GPC6: variants seen among roughly 807,000 people sequenced by gnomAD.
GPC6 encodes the protein glypican-6.
Under a neutral mutation model 55.2 loss-of-function variants are expected in GPC6, and 14 were observed. That is an observed-to-expected ratio of 0.25 (90% CI 0.17 to 0.40). The LOEUF (loss-of-function observed/expected upper bound fraction) is 0.40, where lower values mean the gene tolerates loss of function less well. Ranked by LOEUF, GPC6 falls within the 10% of genes least tolerant of loss-of-function variation. The pLI is 1.00. For missense variants in GPC6, 641 were observed against 708.5 expected, an observed-to-expected ratio of 0.90 and a Z score of 1.08; for synonymous variants, 278 against 259.6, an observed-to-expected ratio of 1.07 and a Z score of -0.68.
Position 93,285,616 on chromosome 13 carries a change from CTGTGTGTGTG to C in GPC6, c.160+58038_160+58047del, listed in dbSNP as rs754671051. Among the ~76,000 whole-genome samples the C allele has an allele frequency of 1.1e-3, 114 of 103,588 alleles. 1 individual carries two copies. Among genetic ancestry groups the C allele is most frequent in the Admixed American group, 4.4e-3 (45 of 10,240 alleles). The allele number at this position is 103,588 out of a possible 152,430, so 68.0% of individuals were successfully genotyped here. A position where few individuals can be genotyped will look rare whatever the true frequency, so the allele number is the denominator to read the frequency against. On this transcript the variant is annotated intron_variant, in intron 1 of 8. Coordinates refer to ENST00000377047, the MANE Select transcript of GPC6 (RefSeq NM_005708.5). ...GGGATGTATGTGTATGTATATACTG[CTGTGTGTGTG>C]TGTGTGTGTGTGTGTGTGTGTGTGT...
At chr13:93,779,042 G>A (rs545165449) in intron 2 of GPC6, among the ~76,000 whole-genome samples, 1 of 152,164 alleles carries the variant, frequency 6.6e-6, no homozygotes, top group Admixed American at 6.5e-5. Context: ...TTTGCTGTAT[G>A]TTTATAACTA....
chr13:93,321,867 A>T (rs935537583), intron 1 of GPC6, among the ~76,000 whole-genome samples: 4 of 152,126 alleles, frequency 2.6e-5, no homozygotes, highest in African/African-American at 9.7e-5. Context: ...AGCATTAGCT[A>T]CCTGCTGGAT....
intron 4 of GPC6, among the ~76,000 whole-genome samples, chr13:94,249,525 C>T (rs1891289228): frequency 6.6e-6 from 1 of 152,100 alleles, no homozygotes; most frequent in African/African-American, 2.4e-5. Flanking sequence ...GTTTAAAAAG[C>T]TGTTTAGATT....
intron 1 of GPC6, among the ~76,000 whole-genome samples, chr13:93,267,531 CCCTTA>C (rs1434758468): frequency 6.6e-6 from 1 of 152,018 alleles, no homozygotes; most frequent in Non-Finnish European, 1.5e-5. Context: ...AATTCCTTTG[CCCTTA>C]CCTTTGATGT....
At chr13:94,006,842 G>C (rs1882039762) in intron 3 of GPC6, among the ~76,000 whole-genome samples, 1 of 152,150 alleles carries the variant, frequency 6.6e-6, no homozygotes, top group East Asian at 1.9e-4. Context: ...AGTTTTTCAA[G>C]AACTGCAAAG....
chr13:93,225,608 AG>A (rs1875751672), upstream of GPC6, among the ~76,000 whole-genome samples: 2 of 152,144 alleles, frequency 1.3e-5, no homozygotes, highest in Non-Finnish European at 2.9e-5. Context: ...GCGTTTGGAA[AG>A]GTTAAATGAG....
intron 6 of GPC6, among the ~76,000 whole-genome samples, chr13:94,327,902 CAG>C (rs1219652998): frequency 1.3e-5 from 2 of 152,156 alleles, no homozygotes; most frequent in African/African-American, 4.8e-5. Context: ...GGAGAGGAAA[CAG>C]GGCCACATTG....
Position 93,738,936 on chromosome 13 carries a change from TACACACACAC to T in GPC6, c.320-91191_320-91182del, listed in dbSNP as rs56928879. 9.7e-3 allele frequency among the ~76,000 whole-genome samples: 1,406 copies of T among 145,572 alleles called. 22 individuals carry two copies. Among genetic ancestry groups the T allele is most frequent in the African/African-American group, 0.033 (1,305 of 39,190 alleles). On this transcript the variant is annotated intron_variant, in intron 2 of 8. Coordinates refer to ENST00000377047, the MANE Select transcript of GPC6 (RefSeq NM_005708.5). ...TTTAAATTCCAAGTGCACTTGGTTTTACACACACACACACACACACACACACACACACACA... is the reference window on the plus strand; with the variant it reads ...TTTAAATTCCAAGTGCACTTGGTTTTACACACACACACACACACACACACA...
rs1307148214 is a variant in GPC6, at chr13:93,825,887, ATCTTGC to A, written c.320-4263_320-4258del. ...TTTTTTTTTTTTTTTTTTGAGATGG[ATCTTGC>A]TCTGTCCCCCAGGCTGAAGTGCAGC... On this transcript the variant is annotated intron_variant, in intron 2 of 8. Transcript: ENST00000377047. Among the ~76,000 whole-genome samples, 10 of 103,306 alleles carry A rather than the reference ATCTTGC, an allele frequency of 9.7e-5. No individual in the cohort carries two copies. In the East Asian group the frequency reaches 2.6e-3, roughly 27 times the overall value. 67.8% of individuals were successfully genotyped at this position (103,306 alleles called of 152,430 possible).
intron 4 of GPC6, among the ~76,000 whole-genome samples, chr13:94,140,315 G>C (rs1887329165): frequency 1.3e-5 from 2 of 152,170 alleles, no homozygotes; most frequent in African/African-American, 4.8e-5. Flanking sequence ...ATTTGAATTA[G>C]TAAATGTGAA....
At chr13:93,380,745 C>T (rs1318222819) in intron 1 of GPC6, among the ~76,000 whole-genome samples, 1 of 152,146 alleles carries the variant, frequency 6.6e-6, no homozygotes, top group East Asian at 1.9e-4. Context: ...CTATATGCCT[C>T]TACTTTTCTT....
At chr13:94,276,301 T>G (rs1319294516) in intron 4 of GPC6, among the ~76,000 whole-genome samples, 1 of 152,170 alleles carries the variant, frequency 6.6e-6, no homozygotes, top group Admixed American at 6.6e-5. Flanking sequence ...AAAATGTGTC[T>G]GACATTGGTT....
chr13:93,963,273 A>G (rs1173810376), intron 3 of GPC6, among the ~76,000 whole-genome samples: 1 of 152,038 alleles, frequency 6.6e-6, no homozygotes, highest in African/African-American at 2.4e-5. Flanking sequence ...TTTTTCTGCA[A>G]TGGCCACACA....
intron 6 of GPC6, among the ~76,000 whole-genome samples, chr13:94,311,835 A>G (rs1418941287): frequency 6.6e-6 from 1 of 152,140 alleles, no homozygotes; most frequent in Admixed American, 6.6e-5. Context: ...AAATAGCTCA[A>G]GGGCTCCTGA....
At chr13:93,363,784 T>G (rs1881137513) in intron 1 of GPC6, among the ~76,000 whole-genome samples, 1 of 151,458 alleles carries the variant, frequency 6.6e-6, no homozygotes, top group Non-Finnish European at 1.5e-5. Flanking sequence ...CTCCACATCC[T>G]CTCCAGCACC....
At chr13:93,711,191 A>G (rs571567735) in intron 2 of GPC6, among the ~76,000 whole-genome samples, 1 of 151,900 alleles carries the variant, frequency 6.6e-6, no homozygotes, top group East Asian at 2.0e-4. Flanking sequence ...AACTCTAACT[A>G]AATGTTTTCA....
At chr13:93,550,795 T>C (rs1875116657) in intron 2 of GPC6, among the ~76,000 whole-genome samples, 1 of 152,174 alleles carries the variant, frequency 6.6e-6, no homozygotes, top group Non-Finnish European at 1.5e-5. Context: ...ATATTTTTTG[T>C]ATGTGTGTGT....
At chr13:93,269,848 C>T (rs1481990683) in intron 1 of GPC6, among the ~76,000 whole-genome samples, 7 of 133,808 alleles carry the variant, frequency 5.2e-5, no homozygotes, top group South Asian at 2.4e-4. Flanking sequence ...GCCTAGATTG[C>T]GTCACTGCAC....
intron 1 of GPC6, among the ~76,000 whole-genome samples, chr13:93,330,075 AGCTCATAGTGTATATACATGGAT>A (rs1879793555): frequency 3.9e-5 from 6 of 152,328 alleles, no homozygotes; most frequent in Admixed American, 3.9e-4. Context: ...GGAAGAGAAA[AGCTCATAGTGTATATACATGGAT>A]GCATTTTGCA....
Sources: gnomAD v4.1 joint callset for allele counts (sites outside exome capture counted in the v4.1 genomes callset) on GRCh38, gnomAD v4.1.1 for gene constraint, MANE v1.5 for transcripts, NCBI Gene and HGNC (gene_info 2026-07-23, HGNC 2026-07-21) for gene names.